Variants in DACH2 observed in about 807,000 individuals in gnomAD.
DACH2 encodes the protein dachshund family transcription factor 2.
In DACH2, 17 loss-of-function variants were observed where a neutral mutation model predicts 35.8. The ratio of observed to expected loss-of-function variants is 0.48; its 90% CI spans 0.33 to 0.71. The LOEUF (loss-of-function observed/expected upper bound fraction) is 0.71. Among genes scored for constraint, DACH2 ranks in the 30% least tolerant of loss-of-function variants. DACH2 has a pLI of 0.02. For missense variants in DACH2, 469 were observed against 472.7 expected, an observed-to-expected ratio of 0.99 and a Z score of 0.07; for synonymous variants, 195 against 177.3, an observed-to-expected ratio of 1.10 and a Z score of -0.79.
chrX:86,709,104 T>C (rs1029672598), intron 5 of DACH2, among the ~76,000 whole-genome samples: 1 of 111,509 alleles, frequency 9.0e-6, no homozygotes, highest in African/African-American at 3.3e-5. Flanking sequence ...AGCAAAGTAT[T>C]GAACAAGAAA....
At chrX:86,648,460 C>A (rs1351958958) in intron 3 of DACH2, among the ~76,000 whole-genome samples, 1 of 111,108 alleles carries the variant, frequency 9.0e-6, no homozygotes, top group Non-Finnish European at 1.9e-5. Context: ...CACTGAGAAG[C>A]TTCCTGAGGA....
chrX:86,479,979 G>A (rs960911206), intron 2 of DACH2, among the ~76,000 whole-genome samples: 1 of 112,337 alleles, frequency 8.9e-6, no homozygotes, highest in Admixed American at 9.4e-5. Context: ...ATTCCTGGTG[G>A]CTTATTTAGT....
intron 1 of DACH2, among the ~76,000 whole-genome samples, chrX:86,241,035 T>C (rs773366768): frequency 1.8e-5 from 2 of 111,281 alleles, no homozygotes; most frequent in Non-Finnish European, 3.8e-5. Flanking sequence ...TTTATAGCAG[T>C]GGGAGAATGG....
At chrX:86,169,996 A>G (rs1445775987) in intron 1 of DACH2, among the ~76,000 whole-genome samples, 1 of 110,965 alleles carries the variant, frequency 9.0e-6, no homozygotes, top group Non-Finnish European at 1.9e-5. Flanking sequence ...ATGGCTTTCC[A>G]GGCACTTGAA....
chrX:86,735,239 A>G (rs1300443263), intron 6 of DACH2, among the ~76,000 whole-genome samples: 1 of 111,778 alleles, frequency 8.9e-6, no homozygotes, highest in African/African-American at 3.2e-5. Context: ...TTCTGTGTAT[A>G]CTTCCATATT....
At chrX:86,616,206 T>A (rs981481241) in intron 3 of DACH2, among the ~76,000 whole-genome samples, 6 of 111,922 alleles carry the variant, frequency 5.4e-5, no homozygotes, top group African/African-American at 1.9e-4. Context: ...ATGTCTTTGT[T>A]ATTGTGAATA....
chrX:86,237,710 T>A lies in DACH2; in HGVS notation c.488+88602T>A, dbSNP rs139520265. 2.6e-4 allele frequency among the ~76,000 whole-genome samples: 29 copies of A among 111,431 alleles called. 1 individual carries two copies. In the East Asian group the frequency reaches 7.9e-3, roughly 30 times the overall value. ...GGTGTGTGAGTGAGTGAGCATGGGG[T>A]CTGGCCACTGCACATGGCTGGGCAT... On this transcript the variant is annotated intron_variant, in intron 1 of 11. Transcript: ENST00000373125.
chrX:86,541,496 TA>T (rs1408064875), intron 3 of DACH2, among the ~76,000 whole-genome samples: 2 of 111,195 alleles, frequency 1.8e-5, no homozygotes, highest in African/African-American at 6.5e-5. Context: ...CAAAAAAAGG[TA>T]AAACTTGATT....
rs192695471 is a variant in DACH2, at chrX:86,472,335, G to T, written c.528-41944G>T. 9.8e-4 allele frequency among the ~76,000 whole-genome samples: 109 copies of T among 111,660 alleles called. 2 individuals carry two copies. Among genetic ancestry groups the T allele is most frequent in the Non-Finnish European group, 1.3e-4 (7 of 53,005 alleles). Reference sequence around the variant, plus strand: ...ACATGGAAGAAGGACTGTGAAGCAAGGAATACAGGCAACCTCTAGAAAGTA... The same window carrying T: ...ACATGGAAGAAGGACTGTGAAGCAATGAATACAGGCAACCTCTAGAAAGTA... On this transcript the variant is annotated intron_variant, in intron 2 of 11. Transcript: ENST00000373125.
At chrX:86,463,307 TAA>T (rs758159244) in intron 2 of DACH2, among the ~76,000 whole-genome samples, 13 of 110,659 alleles carry the variant, frequency 1.2e-4, no homozygotes, top group Middle Eastern at 9.3e-3. Flanking sequence ...AAATAATTCA[TAA>T]GTTTATATAT....
chrX:86,295,465 G>C (rs1377559990), intron 1 of DACH2, among the ~76,000 whole-genome samples: 2 of 111,586 alleles, frequency 1.8e-5, no homozygotes, highest in Admixed American at 9.5e-5. Context: ...CACTCTCTCT[G>C]GGCCCAGTTT....
At chrX:86,428,526 C>A (rs1013820294) in intron 2 of DACH2, among the ~76,000 whole-genome samples, 10 of 111,856 alleles carry the variant, frequency 8.9e-5, no homozygotes, top group African/African-American at 2.6e-4. Flanking sequence ...GGTTTAAGGG[C>A]TGATCTAATT....
intron 1 of DACH2, among the ~76,000 whole-genome samples, chrX:86,202,677 C>A (rs1034372779): frequency 1.7e-4 from 19 of 110,510 alleles, no homozygotes; most frequent in Middle Eastern, 4.3e-3. Context: ...GAAAAGGAGA[C>A]CAGAGGCTGG....
At chrX:86,564,655 T>C (rs2039271964) in intron 3 of DACH2, among the ~76,000 whole-genome samples, 1 of 111,434 alleles carries the variant, frequency 9.0e-6, no homozygotes, top group African/African-American at 3.3e-5. Context: ...ATCTTAATAA[T>C]AAGAGACTGT....
At chrX:86,608,594 G>T (rs935676908) in intron 3 of DACH2, among the ~76,000 whole-genome samples, 17 of 111,591 alleles carry the variant, frequency 1.5e-4, no homozygotes, top group Non-Finnish European at 3.2e-4. Context: ...CTTTCTGATT[G>T]AAATATGCCC....
At chrX:86,177,750 C>G (rs242855) in intron 1 of DACH2, among the ~76,000 whole-genome samples, 42,752 of 109,952 alleles carry the variant, frequency 0.39, 6,235 homozygotes, top group Middle Eastern at 0.46. Flanking sequence ...GTAGTAACAT[C>G]TGCTATTAAG....
intron 2 of DACH2, among the ~76,000 whole-genome samples, chrX:86,438,246 A>C (rs2037101812): frequency 1.1e-5 from 1 of 92,032 alleles, no homozygotes; most frequent in African/African-American, 4.3e-5. Context: ...TTTTTGAGAC[A>C]GAGTTTCACT....
chrX:86,556,827 G>GAGAGAGAGAGAGAGA (rs551353364), intron 3 of DACH2, among the ~76,000 whole-genome samples: 8 of 85,555 alleles, frequency 9.4e-5, no homozygotes, highest in African/African-American at 1.6e-4. Context: ...GAGAGAGAGA[G>GAGAGAGAGAGAGAGA]AGAAGAAGAA....
At chrX:86,746,873 A>C (rs1399195713) in intron 7 of DACH2, among the ~76,000 whole-genome samples, 1 of 111,100 alleles carries the variant, frequency 9.0e-6, no homozygotes, top group Non-Finnish European at 1.9e-5. Flanking sequence ...CTTTGAGTTA[A>C]TTTTTGTTGT....
Sources: gnomAD v4.1 joint callset for allele counts (sites outside exome capture counted in the v4.1 genomes callset) on GRCh38, gnomAD v4.1.1 for gene constraint, MANE v1.5 for transcripts, NCBI Gene and HGNC (gene_info 2026-07-23, HGNC 2026-07-21) for gene names.